The following CYP4X1 variants were observed in gnomAD, a reference collection of about 807,000 sequenced individuals.
The protein encoded by CYP4X1 is cytochrome P450 family 4 subfamily X member 1.
Under a neutral mutation model 57.9 loss-of-function variants are expected in CYP4X1, and 44 were observed. The ratio of observed to expected loss-of-function variants is 0.76; its 90% CI spans 0.60 to 0.98. CYP4X1 has a LOEUF of 0.98. Among genes scored for constraint, CYP4X1 ranks in the 50% least tolerant of loss-of-function variants. The probability of loss-of-function intolerance (pLI) is 0.00; values close to 1 mark genes in which losing one functional copy is unlikely to be tolerated. For synonymous variants in CYP4X1, 227 were observed against 228.6 expected, an observed-to-expected ratio of 0.99 and a Z score of 0.06; for missense variants, 532 against 623.9, an observed-to-expected ratio of 0.85 and a Z score of 1.57.
chr1:46,985,674 G>T, the CYP4X1 span, among the ~76,000 whole-genome samples: 4 of 152,124 alleles, frequency 2.6e-5, no homozygotes, highest in African/African-American at 9.7e-5. Flanking sequence ...GAAGAAACAG[G>T]GCCATCAATC....
chr1:47,054,388 A>T (rs1337376098), downstream of CYP4X1, among the ~76,000 whole-genome samples: 2 of 152,040 alleles, frequency 1.3e-5, no homozygotes, highest in Non-Finnish European at 2.9e-5. Context: ...CTTAGGATTG[A>T]CTTGGCAATG....
chr1:46,997,271 T>C, the CYP4X1 span, among the ~76,000 whole-genome samples: 3 of 152,250 alleles, frequency 2.0e-5, no homozygotes, highest in Admixed American at 6.5e-5. Context: ...GTTTGTTACA[T>C]GGATATATTG....
At chr1:47,030,581 A>G (rs1237079436) in intron 2 of CYP4X1, among the ~76,000 whole-genome samples, 1 of 152,120 alleles carries the variant, frequency 6.6e-6, no homozygotes, top group Non-Finnish European at 1.5e-5. Flanking sequence ...AGTGATCCAA[A>G]TTTTAGCTTT....
At chr1:47,041,949 T>C (rs1348636269) in intron 8 of CYP4X1, among the ~76,000 whole-genome samples, 4 of 152,116 alleles carry the variant, frequency 2.6e-5, no homozygotes, top group Non-Finnish European at 4.4e-5. Flanking sequence ...TTTAGTTGAT[T>C]TTTGTATATG....
At chr1:46,979,867 T>C in the CYP4X1 span, among the ~76,000 whole-genome samples, 1 of 151,940 alleles carries the variant, frequency 6.6e-6, no homozygotes, top group Admixed American at 6.6e-5. Flanking sequence ...ACAGAACCAA[T>C]GACAAAAACC....
At chr1:46,967,146 A>G in the CYP4X1 span, among the ~76,000 whole-genome samples, 1 of 152,232 alleles carries the variant, frequency 6.6e-6, no homozygotes, top group Admixed American at 6.5e-5. Context: ...ACTCTTGATA[A>G]TTTATGTAGA....
intron 7 of CYP4X1, among the ~76,000 whole-genome samples, chr1:47,039,017 T>C (rs1644216249): frequency 6.6e-6 from 1 of 152,090 alleles, no homozygotes. Flanking sequence ...GATACATGGA[T>C]TTTAGGGCAT....
chr1:47,035,071 T>C (rs1644165086), intron 4 of CYP4X1, among the ~76,000 whole-genome samples: 1 of 151,070 alleles, frequency 6.6e-6, no homozygotes, highest in Non-Finnish European at 1.5e-5. Flanking sequence ...AAGTTCAGGT[T>C]GACCGATAGG....
At chr1:47,000,525 A>T in the CYP4X1 span, among the ~76,000 whole-genome samples, 4 of 152,280 alleles carry the variant, frequency 2.6e-5, no homozygotes, top group Non-Finnish European at 5.9e-5. Flanking sequence ...GACCTCCAGA[A>T]CTATAAGAGA....
the CYP4X1 span, among the ~76,000 whole-genome samples, chr1:47,011,193 C>T: frequency 6.6e-6 from 1 of 152,178 alleles, no homozygotes; most frequent in Non-Finnish European, 1.5e-5. Flanking sequence ...CAGCATGGTA[C>T]TGGTACCAAA....
chr1:46,991,506 TC>T, the CYP4X1 span, among the ~76,000 whole-genome samples: 1 of 152,202 alleles, frequency 6.6e-6, no homozygotes. Flanking sequence ...TAATCCCAGT[TC>T]CTCCTGCTGC....
rs375390499 is a variant in CYP4X1, at chr1:47,046,624, A to C, written c.1207+24A>C. The stretch of plus-strand genomic sequence containing the variant: ...AGGTCTTTACATTCTTTTCCTAAGC[A>C]GTTCTTAGAGGCTATGGGATCCTGG... On this transcript the variant is annotated intron_variant, in intron 9 of 11. Coordinates refer to ENST00000371901, the MANE Select transcript of CYP4X1 (RefSeq NM_178033.2). 2.3e-4 allele frequency: 375 copies of C among 1,614,042 alleles called. 3 individuals carry two copies. Among genetic ancestry groups the C allele is most frequent in the South Asian group, 8.3e-4 (76 of 91,072 alleles).
the CYP4X1 span, among the ~76,000 whole-genome samples, chr1:47,010,275 G>A: frequency 6.6e-6 from 1 of 152,162 alleles, no homozygotes; most frequent in East Asian, 1.9e-4. Context: ...ATCAATAAAT[G>A]TAATCCAGCA....
At chr1:47,034,776 A>G (rs1644161794) in intron 4 of CYP4X1, among the ~76,000 whole-genome samples, 1 of 151,934 alleles carries the variant, frequency 6.6e-6, no homozygotes, top group Non-Finnish European at 1.5e-5. Flanking sequence ...CTGGAGTTGC[A>G]TTAGAGTTTT....
the CYP4X1 span, among the ~76,000 whole-genome samples, chr1:46,971,349 G>A: frequency 6.6e-6 from 1 of 152,186 alleles, no homozygotes; most frequent in Admixed American, 6.5e-5. Flanking sequence ...TTGATTGTAT[G>A]CCTTTGCCAT....
the CYP4X1 span, among the ~76,000 whole-genome samples, chr1:46,985,277 G>A: frequency 6.6e-6 from 1 of 152,136 alleles, no homozygotes; most frequent in African/African-American, 2.4e-5. Flanking sequence ...GCAGTGAGCC[G>A]AGATCATGCC....
chr1:47,009,975 C>T, the CYP4X1 span, among the ~76,000 whole-genome samples: 3 of 152,296 alleles, frequency 2.0e-5, no homozygotes, highest in East Asian at 5.8e-4. Context: ...CGAATTCTAG[C>T]AGAGGTACAA....
chr1:46,985,661 G>A, the CYP4X1 span, among the ~76,000 whole-genome samples: 1 of 152,308 alleles, frequency 6.6e-6, no homozygotes, highest in South Asian at 2.1e-4. Context: ...GAAGCTTCCA[G>A]AGGAAGAAAC....
At chr1:46,998,065 T>C in the CYP4X1 span, among the ~76,000 whole-genome samples, 1 of 152,198 alleles carries the variant, frequency 6.6e-6, no homozygotes. Context: ...GGAGGTGTTT[T>C]TTATTAAAAA....
Sources: gnomAD v4.1 joint callset for allele counts (sites outside exome capture counted in the v4.1 genomes callset) on GRCh38, gnomAD v4.1.1 for gene constraint, MANE v1.5 for transcripts, NCBI Gene and HGNC (gene_info 2026-07-23, HGNC 2026-07-21) for gene names.